NAALADL2: variants seen among roughly 807,000 people sequenced by gnomAD.
The protein encoded by NAALADL2 is inactive N-acetylated-alpha-linked acidic dipeptidase-like protein 2.
NAALADL2 carries 76 observed loss-of-function variants against 87.2 expected under a neutral mutation model. The observed-to-expected ratio is 0.87, with a 90% confidence interval of 0.72 to 1.05. NAALADL2 has a LOEUF of 1.05. Ranked by LOEUF, NAALADL2 falls within the 50% of genes least tolerant of loss-of-function variation. The pLI is 0.00. For synonymous variants in NAALADL2, 354 were observed against 331.0 expected, an observed-to-expected ratio of 1.07 and a Z score of -0.75; for missense variants, 1,089 against 945.8, an observed-to-expected ratio of 1.15 and a Z score of -1.99.
chr3:174,784,905 C>G (rs1236573859), intron 3 of NAALADL2, among the ~76,000 whole-genome samples: 1 of 152,136 alleles, frequency 6.6e-6, no homozygotes, highest in African/African-American at 2.4e-5. Flanking sequence ...TGGAATATTT[C>G]ATTTAATATT....
intron 1 of NAALADL2, among the ~76,000 whole-genome samples, chr3:174,486,791 A>T (rs1439243148): frequency 6.6e-6 from 1 of 151,928 alleles, no homozygotes; most frequent in Non-Finnish European, 1.5e-5. Flanking sequence ...TATCACTGAA[A>T]TTTTTAGCCA....
chr3:175,303,086 A>C (rs985446966), intron 4 of NAALADL2, among the ~76,000 whole-genome samples: 6 of 152,154 alleles, frequency 3.9e-5, no homozygotes, highest in African/African-American at 1.4e-4. Context: ...TTTAACATAC[A>C]CATAACATAC....
chr3:175,548,021 T>A (rs148647905), intron 9 of NAALADL2, among the ~76,000 whole-genome samples: 106 of 152,218 alleles, frequency 7.0e-4, no homozygotes, highest in African/African-American at 2.4e-3. Flanking sequence ...AAGATAGAAA[T>A]ACCATTCAGC....
At chr3:175,265,592 A>G (rs1482284898) in intron 4 of NAALADL2, among the ~76,000 whole-genome samples, 1 of 151,616 alleles carries the variant, frequency 6.6e-6, no homozygotes, top group Non-Finnish European at 1.5e-5. Context: ...GAATTTTACT[A>G]TCTGTTACTA....
intron 5 of NAALADL2, among the ~76,000 whole-genome samples, chr3:175,334,597 T>C (rs956000497): frequency 6.6e-6 from 1 of 152,184 alleles, no homozygotes; most frequent in East Asian, 1.9e-4. Flanking sequence ...TTACATAAAA[T>C]GCAGCATACT....
rs114058295 is a variant in NAALADL2 at position 175,301,517 on chromosome 3, A to T, written c.940-22658A>T. ...CATTGTTAATTCCAATTTCTGTATT[A>T]TACATTTCTGATTCACTGAATATGA... On this transcript the variant is annotated intron_variant, in intron 4 of 13. Coordinates refer to ENST00000454872, the MANE Select transcript of NAALADL2 (RefSeq NM_207015.3). Among the ~76,000 whole-genome samples, 968 of 152,296 alleles carry T rather than the reference A, an allele frequency of 6.4e-3. 12 individuals carry two copies. The highest frequency in any genetic ancestry group is 0.022 in the African/African-American group (895 of 41,568).
chr3:175,768,338 G>A (rs941356890), intron 13 of NAALADL2, among the ~76,000 whole-genome samples: 1 of 152,002 alleles, frequency 6.6e-6, no homozygotes. Flanking sequence ...CTCTCTCTCC[G>A]TGTACTCCCA....
chr3:175,690,172 CT>C (rs1175988242), intron 11 of NAALADL2, among the ~76,000 whole-genome samples: 1 of 151,942 alleles, frequency 6.6e-6, no homozygotes, highest in African/African-American at 2.4e-5. Context: ...CCTTCTATGA[CT>C]TGTGGGCCGT....
Position 174,902,821 on chromosome 3 carries a change from G to A in NAALADL2, c.43+43371G>A, listed in dbSNP as rs568620053. On this transcript the variant is annotated intron_variant, in intron 1 of 13. Coordinates refer to ENST00000454872, the MANE Select transcript of NAALADL2 (RefSeq NM_207015.3). ...GGTAATTTTTCCAAAGGCATTATCTGAGATATAGATGGAGCTTCTGAGAAA... is the reference window on the plus strand; with the variant it reads ...GGTAATTTTTCCAAAGGCATTATCTAAGATATAGATGGAGCTTCTGAGAAA... Among the ~76,000 whole-genome samples the A allele has an allele frequency of 3.3e-5, 5 of 152,208 alleles. No homozygotes were observed. The South Asian group carries it at 1.0e-3, about 32-fold the overall frequency.
chr3:174,524,329 G>T (rs1720532788), intron 1 of NAALADL2, among the ~76,000 whole-genome samples: 1 of 152,128 alleles, frequency 6.6e-6, no homozygotes, highest in African/African-American at 2.4e-5. Flanking sequence ...TGTGGGTGTT[G>T]CTTTAAACTG....
chr3:174,765,139 C>G (rs1338626206), intron 3 of NAALADL2, among the ~76,000 whole-genome samples: 30 of 124,520 alleles, frequency 2.4e-4, no homozygotes, highest in South Asian at 5.4e-4. Flanking sequence ...CACACACACA[C>G]ACACGAGAGA....
chr3:175,750,522 A>C (rs1746496161), intron 12 of NAALADL2, among the ~76,000 whole-genome samples: 1 of 152,080 alleles, frequency 6.6e-6, no homozygotes, highest in Non-Finnish European at 1.5e-5. Flanking sequence ...GAGGATTTGG[A>C]TTGGAGGGAG....
At chr3:175,547,922 GA>G (rs962718962) in intron 9 of NAALADL2, among the ~76,000 whole-genome samples, 2 of 151,996 alleles carry the variant, frequency 1.3e-5, no homozygotes, top group African/African-American at 4.8e-5. Context: ...TGAGGTTGTA[GA>G]AAAAAAGGAA....
chr3:175,673,102 C>T (rs1256919114), intron 11 of NAALADL2, among the ~76,000 whole-genome samples: 1 of 152,076 alleles, frequency 6.6e-6, no homozygotes, highest in Non-Finnish European at 1.5e-5. Flanking sequence ...ATTTATTTCC[C>T]TTTTTATTGT....
At chr3:174,669,855 C>T (rs1302812021) in intron 2 of NAALADL2, among the ~76,000 whole-genome samples, 1 of 151,954 alleles carries the variant, frequency 6.6e-6, no homozygotes, top group Non-Finnish European at 1.5e-5. Context: ...AATATAATGC[C>T]TTCCAATCCA....
At chr3:174,725,787 T>C (rs11721254) in intron 2 of NAALADL2, among the ~76,000 whole-genome samples, 38,779 of 152,026 alleles carry the variant, frequency 0.26, 5,087 homozygotes, top group South Asian at 0.37. Flanking sequence ...CACAGTGATA[T>C]TGCTTATAGC....
intron 2 of NAALADL2, among the ~76,000 whole-genome samples, chr3:175,147,516 T>C (rs1730916109): frequency 6.6e-6 from 1 of 152,172 alleles, no homozygotes; most frequent in Admixed American, 6.6e-5. Context: ...GTTGATGATA[T>C]GTTTTTGCTA....
At chr3:175,695,507 A>G (rs1582918506) in intron 11 of NAALADL2, among the ~76,000 whole-genome samples, 1 of 152,266 alleles carries the variant, frequency 6.6e-6, no homozygotes, top group African/African-American at 2.4e-5. Context: ...ACTTGCTGGA[A>G]AAATGTACTG....
intron 2 of NAALADL2, among the ~76,000 whole-genome samples, chr3:174,667,597 A>G (rs1352464835): frequency 7.3e-6 from 1 of 136,500 alleles, no homozygotes; most frequent in Admixed American, 8.6e-5. Context: ...TTGTCTCTCA[A>G]GGCAGTCTCC....
Sources: gnomAD v4.1 joint callset for allele counts (sites outside exome capture counted in the v4.1 genomes callset) on GRCh38, gnomAD v4.1.1 for gene constraint, MANE v1.5 for transcripts, NCBI Gene and HGNC (gene_info 2026-07-23, HGNC 2026-07-21) for gene names.